Variants in IQUB observed in about 807,000 individuals in gnomAD.
IQUB encodes IQ motif and ubiquitin-like domain-containing protein.
Under a neutral mutation model 86.4 loss-of-function variants are expected in IQUB, and 86 were observed. That is an observed-to-expected ratio of 1.00 (90% CI 0.84 to 1.19). IQUB has a LOEUF of 1.19. Ranked by LOEUF, IQUB falls within the 50% of genes most tolerant of loss-of-function variation. IQUB has a pLI of 0.00. For missense variants in IQUB, 946 were observed against 916.9 expected (o/e 1.03, Z -0.41); for synonymous variants, 289 against 304.5 (o/e 0.95, Z 0.53).
chr7:123,455,944 T>C (rs1372972550), intron 12 of IQUB, among the ~76,000 whole-genome samples: 1 of 152,094 alleles, frequency 6.6e-6, no homozygotes, highest in East Asian at 1.9e-4. Flanking sequence ...ACCTGTTTCA[T>C]ATTAACTTGC....
At chr7:123,458,458 T>C (rs1793821576) in intron 11 of IQUB, among the ~76,000 whole-genome samples, 4 of 152,044 alleles carry the variant, frequency 2.6e-5, no homozygotes. Flanking sequence ...CAGTATTTCA[T>C]AAATTGGTAA....
intron 6 of IQUB, chr7:123,501,018 T>C (rs1404391656): frequency 6.6e-6 from 1 of 152,210 alleles, no homozygotes; most frequent in Non-Finnish European, 1.5e-5. Flanking sequence ...AATGATATGC[T>C]ACTTTAAAAA....
chr7:123,486,623 G>A (rs1048275115), intron 7 of IQUB, among the ~76,000 whole-genome samples: 8 of 151,990 alleles, frequency 5.3e-5, no homozygotes, highest in Non-Finnish European at 1.0e-4. Context: ...AAAGAGATTC[G>A]GTAAAAATAA....
Position 123,503,289 on chromosome 7 carries a change from A to C in IQUB, c.607T>G (p.Phe203Val). ...KPQEIVQVEI[F>V]STNPDLYPVR... Reference sequence around the variant, plus strand: ...GGATACAGATCTGGATTTGTAGAAAAGATTTCCACTTGTACAATTTCCTGT... The same window carrying C: ...GGATACAGATCTGGATTTGTAGAAACGATTTCCACTTGTACAATTTCCTGT... The change falls in exon 4 of 13, where the codon TTT (phenylalanine) becomes GTT (valine). Residue 203 changes from phenylalanine (F) to valine (V), a missense_variant. Phe to Val is a conservative substitution (Grantham distance 50, BLOSUM62 -1). Transcript: ENST00000324698. The C allele has an allele frequency of 6.2e-7, 1 of 1,605,634 alleles. No individual in the cohort carries two copies. The highest frequency in any genetic ancestry group is 8.5e-7 in the Non-Finnish European group (1 of 1,172,814).
intron 1 of IQUB, among the ~76,000 whole-genome samples, chr7:123,522,584 A>G (rs1475514979): frequency 6.6e-6 from 1 of 152,232 alleles, no homozygotes; most frequent in Non-Finnish European, 1.5e-5. Flanking sequence ...AGCATATAAT[A>G]AATGTTAGCT....
chr7:123,488,042 A>G (rs1040618979), intron 7 of IQUB, among the ~76,000 whole-genome samples: 1 of 152,094 alleles, frequency 6.6e-6, no homozygotes, highest in Admixed American at 6.6e-5. Flanking sequence ...GGACAGCATA[A>G]CAAACAATTT....
Position 123,457,385 on chromosome 7 carries a change from T to C in IQUB, c.2189A>G (p.Glu730Gly). Residue 730 changes from glutamate (E) to glycine (G), a missense_variant, in exon 12 of 13, where the codon GAA becomes GGA. Transcript: ENST00000324698. ...AATAAAATTCAACTTTCTTACCTCT[T>C]CAATACTTGTTAGCTTGAGATGAGC... is the stretch of plus-strand genomic sequence containing the variant. ...AAAHLKLTSI[E>G]EGYERSFIHK... is the part of the protein sequence containing the mutation. 1 of 1,610,416 alleles carries C rather than the reference T, an allele frequency of 6.2e-7. No homozygotes were observed. Among genetic ancestry groups the C allele is most frequent in the Non-Finnish European group, 8.5e-7 (1 of 1,178,386 alleles).
In IQUB at chr7:123,493,774, T is replaced by TGTGC. The variant is rs1449280726; in HGVS notation, c.1234+2921_1234+2922insGCAC. On this transcript the variant is annotated intron_variant, in intron 7 of 12. Coordinates refer to ENST00000324698, the MANE Select transcript of IQUB (RefSeq NM_178827.5). ...GTGTGTGTGTGTGTGTGTGTGTGTG[T>TGTGC]GCATGTGTGTATATATACATATACA... Among the ~76,000 whole-genome samples the TGTGC allele has an allele frequency of 2.3e-3, 336 of 144,834 alleles. 2 individuals carry two copies. The highest frequency in any genetic ancestry group is 1.9e-3 in the Admixed American group (27 of 14,506).
At position 123,502,598 on chromosome 7, in the gene IQUB, G is replaced by T; in HGVS notation, c.1022C>A (p.Ala341Glu). 6.2e-7 allele frequency: 1 copy of T among 1,608,324 alleles called. No homozygotes were observed. The highest frequency in any genetic ancestry group is 1.1e-5 in the South Asian group (1 of 89,226). The change falls in exon 6 of 13, where the codon GCG becomes GAG. Residue 341 changes from alanine (A) to glutamate (E), a missense_variant and splice_region_variant. Coordinates refer to ENST00000324698, the MANE Select transcript of IQUB (RefSeq NM_178827.5). ...AAEYHAQRLKAVIVIQTYYRQ... is the reference protein window; with the variant it reads ...AAEYHAQRLKEVIVIQTYYRQ... ...CATCCACAATAAAAGTTATCTCACC[G>T]CCTTTAGTCTTTGAGCATGGTATTC...
At chr7:123,502,219 G>A (rs757488401) in intron 6 of IQUB, 40 of 174,898 alleles carry the variant, frequency 2.3e-4, no homozygotes, top group Non-Finnish European at 2.8e-4. Flanking sequence ...GAGTTGGAGC[G>A]GCTATGTTAA....
chr7:123,505,369 A>G (rs1400850612), intron 3 of IQUB, among the ~76,000 whole-genome samples: 2 of 152,172 alleles, frequency 1.3e-5, no homozygotes, highest in African/African-American at 4.8e-5. Context: ...CTCCAATCAC[A>G]TATTTCCCCT....
intron 7 of IQUB, among the ~76,000 whole-genome samples, chr7:123,484,356 T>C (rs1017559281): frequency 3.3e-5 from 5 of 152,054 alleles, no homozygotes; most frequent in African/African-American, 1.2e-4. Flanking sequence ...TGATAAAATC[T>C]ATATACCAAA....
At position 123,452,755 on chromosome 7, in the gene IQUB, C is replaced by T. The variant is rs1317318776; in HGVS notation, c.2364G>A (p.Arg788=). Reference sequence around the variant, plus strand: ...ACTCCTGGATCACCTAATGAGGAGGCCTCTGGGATTCTATAATCTTAGGTG... The same window carrying T: ...ACTCCTGGATCACCTAATGAGGAGGTCTCTGGGATTCTATAATCTTAGGTG... ...DTTPKIIESQ[R]PPH is the part of the protein sequence containing the mutation. The change falls in exon 13 of 13, where the codon AGG becomes AGA. Residue 788 remains arginine (R), a synonymous_variant. Transcript: ENST00000324698. 1.2e-6 allele frequency: 2 copies of T among 1,611,720 alleles called. No homozygotes were observed.
intron 1 of IQUB, among the ~76,000 whole-genome samples, chr7:123,525,380 C>T (rs533030622): frequency 6.6e-6 from 1 of 152,210 alleles, no homozygotes; most frequent in East Asian, 1.9e-4. Flanking sequence ...AATTTCAGCT[C>T]CTGTTATTGG....
chr7:123,512,790 T>C (rs74863052), intron 1 of IQUB, among the ~76,000 whole-genome samples: 9,891 of 152,222 alleles, frequency 0.065, 353 homozygotes, highest in Non-Finnish European at 0.08. Flanking sequence ...AGCTCTGCTC[T>C]TACAAATTGT....
At chr7:123,455,443 AAT>A (rs1793648598) in intron 12 of IQUB, among the ~76,000 whole-genome samples, 1 of 152,118 alleles carries the variant, frequency 6.6e-6, no homozygotes, top group African/African-American at 2.4e-5. Context: ...CTAAGCCAAT[AAT>A]ATATTGCTTT....
At chr7:123,472,237 C>G (rs1480016370) in intron 8 of IQUB, among the ~76,000 whole-genome samples, 2 of 96,890 alleles carry the variant, frequency 2.1e-5, no homozygotes, top group Non-Finnish European at 4.4e-5. Flanking sequence ...GACCCCAACT[C>G]AAAAAAAAAA....
chr7:123,510,912 A>G (rs1052760937), intron 2 of IQUB, among the ~76,000 whole-genome samples: 1 of 152,152 alleles, frequency 6.6e-6, no homozygotes, highest in Non-Finnish European at 1.5e-5. Flanking sequence ...GGGAAGGGGA[A>G]ATGTGTCAAG....
intron 3 of IQUB, among the ~76,000 whole-genome samples, chr7:123,503,935 G>A (rs919271514): frequency 2.6e-5 from 4 of 151,792 alleles, no homozygotes; most frequent in Admixed American, 2.6e-4. Context: ...TAACAACCAT[G>A]AAACTCCATA....
Sources: allele counts gnomAD v4.1 joint callset (sites outside exome capture counted in the v4.1 genomes callset), GRCh38; gene constraint gnomAD v4.1.1; transcripts MANE v1.5; gene names NCBI Gene and HGNC (gene_info 2026-07-23, HGNC 2026-07-21).